Variants in EIPR1 observed in about 807,000 individuals in gnomAD.
EIPR1 encodes the protein EARP complex and GARP complex interacting protein 1, also known as EARP and GARP complex-interacting protein 1.
Under a neutral mutation model 48.1 loss-of-function variants are expected in EIPR1, and 25 were observed. The observed-to-expected ratio is 0.52, with a 90% CI of 0.38 to 0.73. The LOEUF (loss-of-function observed/expected upper bound fraction) is 0.73, where lower values mean the gene tolerates loss of function less well. EIPR1 is among the 30% of genes least tolerant of loss of function. The pLI, the probability that EIPR1 is intolerant of heterozygous loss-of-function variation, is 0.00. For synonymous variants in EIPR1, 204 were observed against 201.9 expected, an observed-to-expected ratio of 1.01 and a Z score of -0.09; for missense variants, 415 against 506.2, an observed-to-expected ratio of 0.82 and a Z score of 1.73.
In EIPR1 at chr2:3,288,911, A is replaced by G. The variant is rs1399341631; in HGVS notation, c.260-31456T>C. Reference sequence around the variant, plus strand: ...GGCCTCGGCAACGCCCACAGGCCCCAGCAGCCCTGGCCCCCTGGGCAGCCA... The same window carrying G: ...GGCCTCGGCAACGCCCACAGGCCCCGGCAGCCCTGGCCCCCTGGGCAGCCA... On this transcript the variant is annotated intron_variant, in intron 3 of 8. Coordinates refer to ENST00000382125, the MANE Select transcript of EIPR1 (RefSeq NM_003310.5). 2.0e-5 allele frequency among the ~76,000 whole-genome samples: 3 copies of G among 152,192 alleles called. 1 individual carries two copies. Among genetic ancestry groups the G allele is most frequent in the African/African-American group, 7.2e-5 (3 of 41,466 alleles).
intron 1 of EIPR1, among the ~76,000 whole-genome samples, chr2:3,367,056 A>G (rs1291856103): frequency 1.3e-5 from 2 of 151,750 alleles, no homozygotes; most frequent in Admixed American, 1.3e-4. Flanking sequence ...AAAAATAAGT[A>G]AAAATAAAAA....
chr2:3,198,189 G>A (rs1040726288), intron 5 of EIPR1, among the ~76,000 whole-genome samples: 7 of 152,214 alleles, frequency 4.6e-5, no homozygotes, highest in Non-Finnish European at 7.3e-5. Context: ...ACAGGTAAAG[G>A]GCTTTCTGGA....
chr2:3,258,140 G>A (rs902012553), intron 3 of EIPR1, among the ~76,000 whole-genome samples: 1 of 83,564 alleles, frequency 1.2e-5, no homozygotes. Flanking sequence ...CCTGAGTCTT[G>A]ATACTCTATT....
At chr2:3,375,247 G>A (rs1229702569) in intron 1 of EIPR1, among the ~76,000 whole-genome samples, 1 of 103,738 alleles carries the variant, frequency 9.6e-6, no homozygotes, top group Admixed American at 1.2e-4. Context: ...GGGGGAGGGG[G>A]GAGGGATAGC....
intron 6 of EIPR1, 146 bp downstream of exon 6, chr2:3,196,735 A>T (rs904190915): frequency 1.0e-5 from 13 of 1,266,016 alleles, no homozygotes; most frequent in Non-Finnish European, 1.4e-5. Context: ...AACAAGATGA[A>T]GATTTATGAT....
chr2:3,310,472 T>C (rs1365944945), intron 3 of EIPR1, among the ~76,000 whole-genome samples: 2 of 138,916 alleles, frequency 1.4e-5, no homozygotes, highest in Admixed American at 6.9e-5. Context: ...GCTAAAACGG[T>C]GAAACCCCGT....
chr2:3,194,148 C>T lies in EIPR1; in HGVS notation c.672G>A (p.Glu224=). Residue 224 remains glutamate (E), a synonymous_variant, in exon 7 of 9, where the codon GAG becomes GAA. Transcript: ENST00000382125. The part of the protein sequence containing the change: ...TRSMSQIYCI[E]NAHGQLVRDL... ...CCCGCACCAGCTGTCCGTGGGCATTCTCTATGCAGTAGATCTGGCTGAGGG... is the reference window on the plus strand; with the variant it reads ...CCCGCACCAGCTGTCCGTGGGCATTTTCTATGCAGTAGATCTGGCTGAGGG... 1.2e-6 allele frequency: 2 copies of T among 1,613,852 alleles called. No individual in the cohort carries two copies. Among genetic ancestry groups the T allele is most frequent in the Non-Finnish European group, 1.7e-6 (2 of 1,179,996 alleles).
intron 3 of EIPR1, among the ~76,000 whole-genome samples, chr2:3,325,555 AC>A (rs1297525288): frequency 6.6e-6 from 1 of 151,918 alleles, no homozygotes; most frequent in Non-Finnish European, 1.5e-5. Flanking sequence ...CCTACTCCCA[AC>A]CCCCGAAAAC....
At chr2:3,219,394 T>C (rs1314412936) in intron 4 of EIPR1, among the ~76,000 whole-genome samples, 1 of 148,376 alleles carries the variant, frequency 6.7e-6, no homozygotes, top group African/African-American at 2.5e-5. Flanking sequence ...TGATACGTTC[T>C]AGAGCTTTCA....
chr2:3,361,801 C>G (rs979539912), intron 1 of EIPR1, among the ~76,000 whole-genome samples: 4 of 151,244 alleles, frequency 2.6e-5, no homozygotes, highest in Non-Finnish European at 5.9e-5. Context: ...TGCCCAAGCC[C>G]TTGGACTCCC....
At chr2:3,352,308 G>A (rs1670601406) in intron 2 of EIPR1, among the ~76,000 whole-genome samples, 1 of 150,148 alleles carries the variant, frequency 6.7e-6, no homozygotes, top group Non-Finnish European at 1.5e-5. Flanking sequence ...CACACTGTCT[G>A]TTCCGGACAC....
chr2:3,197,164 T>G (rs1011966327), intron 5 of EIPR1, 147 bp from the exon 6 acceptor site: 37 of 1,009,882 alleles, frequency 3.7e-5, no homozygotes, highest in Non-Finnish European at 4.7e-5. Context: ...CTTTGTTTCC[T>G]TTCCTTAAAT....
chr2:3,208,955 CCTCT>C, intron 5 of EIPR1: 1 of 1,496,410 alleles, frequency 6.7e-7, no homozygotes, highest in African/African-American at 1.4e-5. Context: ...CAGATTCTTC[CCTCT>C]AATAGGACAA....
chr2:3,341,095 CAAAAAAAAA>C (rs55667121), intron 2 of EIPR1, among the ~76,000 whole-genome samples: 1 of 22,206 alleles, frequency 4.5e-5, no homozygotes, highest in African/African-American at 1.3e-4. Context: ...GATCCTGTCT[CAAAAAAAAA>C]AAAAAAAAAA....
intron 6 of EIPR1, 185 bp from the exon 7 acceptor site, chr2:3,194,351 T>G (rs1191566879): frequency 1.7e-6 from 1 of 602,198 alleles, no homozygotes; most frequent in Non-Finnish European, 2.9e-6. Flanking sequence ...CCAGCAACCC[T>G]GTGTGGTCGC....
Position 3,199,792 on chromosome 2 carries a change from T to C in EIPR1, c.517-2775A>G, listed in dbSNP as rs1018759762. Among the ~76,000 whole-genome samples the C allele has an allele frequency of 4.8e-5, 5 of 105,010 alleles. 1 individual carries two copies. The highest frequency in any genetic ancestry group is 9.8e-5 in the Non-Finnish European group (5 of 51,096). The allele number at this position is 105,010 out of a possible 152,430, so 68.9% of individuals were successfully genotyped here. On this transcript the variant is annotated intron_variant, in intron 5 of 8. Transcript: ENST00000382125. ...CAGAGGTGACAGGGGTGTGTCTGCA[T>C]CTGGGCACGCATGGGGGGGTGTCCA...
chr2:3,292,783 A>G (rs1229335172), intron 3 of EIPR1, among the ~76,000 whole-genome samples: 1 of 152,292 alleles, frequency 6.6e-6, no homozygotes, highest in East Asian at 1.9e-4. Flanking sequence ...AGATTAAAAT[A>G]ATGTTGATTT....
intron 3 of EIPR1, among the ~76,000 whole-genome samples, chr2:3,333,999 A>G (rs1043532050): frequency 2.6e-5 from 4 of 152,250 alleles, no homozygotes; most frequent in African/African-American, 9.6e-5. Context: ...AAAAGATGCC[A>G]CCGTTCACCA....
rs372608146 is a variant in EIPR1 at position 3,189,314 on chromosome 2, G to A, written c.*20C>T. ...AGAGGAAAACCACTCAATGGGACCT[G>A]GATAACCCAGGCCCGGGAGTCATAG... On this transcript the variant is annotated 3_prime_UTR_variant, in exon 9 of 9. Coordinates refer to ENST00000382125, the MANE Select transcript of EIPR1 (RefSeq NM_003310.5). The surrounding 1 kb of genome is among the most constrained non-coding windows in gnomAD (Gnocchi z 4.6). The A allele has an allele frequency of 6.4e-7, 1 of 1,556,036 alleles. No individual in the cohort carries two copies. Among genetic ancestry groups the A allele is most frequent in the Non-Finnish European group, 8.8e-7 (1 of 1,141,414 alleles).
Sources: gnomAD v4.1 joint callset for allele counts (sites outside exome capture counted in the v4.1 genomes callset) on GRCh38, gnomAD v4.1.1 for gene constraint, Gnocchi (gnomAD v3.1) non-coding constraint, MANE v1.5 for transcripts, NCBI Gene and HGNC (gene_info 2026-07-23, HGNC 2026-07-21) for gene names.